Variants in KCNIP4 observed in about 807,000 individuals in gnomAD.
The protein encoded by KCNIP4 is potassium voltage-gated channel interacting protein 4, also known as Kv channel-interacting protein 4.
KCNIP4 carries 12 observed loss-of-function variants against 34.0 expected under a neutral mutation model. The ratio of observed to expected loss-of-function variants is 0.35; its 90% CI spans 0.23 to 0.57. The LOEUF (loss-of-function observed/expected upper bound fraction) is 0.57. KCNIP4 is among the 20% of genes least tolerant of loss of function. The pLI is 0.83. For missense variants in KCNIP4, 238 were observed against 311.7 expected (o/e 0.76, Z 1.78); for synonymous variants, 124 against 102.2 (o/e 1.21, Z -1.29).
intron 1 of KCNIP4, among the ~76,000 whole-genome samples, chr4:21,631,224 T>G (rs892163691): frequency 2.6e-5 from 4 of 152,122 alleles, no homozygotes; most frequent in African/African-American, 9.7e-5. Context: ...CTATAAAACA[T>G]GCTTCATAAT....
In KCNIP4 at chr4:21,136,213, C is replaced by T. The variant is rs139795646; in HGVS notation, c.62-253504G>A. Among the ~76,000 whole-genome samples the T allele has an allele frequency of 2.9e-3, 436 of 152,224 alleles. 1 individual carries two copies. The highest frequency in any genetic ancestry group is 6.8e-3 in the Middle Eastern group (2 of 294). ...TGTCTCTATGTTTTAATTTTATTTA[C>T]CACTGTTCAGTGGCCTATGGTACAA... On this transcript the variant is annotated intron_variant, in intron 1 of 8. Transcript: ENST00000382152.
At chr4:21,179,848 C>A (rs769907135) in intron 1 of KCNIP4, among the ~76,000 whole-genome samples, 9 of 152,102 alleles carry the variant, frequency 5.9e-5, no homozygotes, top group Non-Finnish European at 1.2e-4. Context: ...TTATTTCTTT[C>A]TCTTAGCTAT....
chr4:20,891,377 C>T (rs765295369), intron 1 of KCNIP4, among the ~76,000 whole-genome samples: 10 of 152,128 alleles, frequency 6.6e-5, no homozygotes, highest in South Asian at 2.1e-4. Flanking sequence ...GAGTCCGAGG[C>T]GGGCTGATCA....
intron 1 of KCNIP4, among the ~76,000 whole-genome samples, chr4:21,074,913 A>G (rs1745334240): frequency 6.6e-6 from 1 of 152,160 alleles, no homozygotes; most frequent in South Asian, 2.1e-4. Flanking sequence ...GTCATTCAGG[A>G]GCAGGTTGTT....
intron 1 of KCNIP4, among the ~76,000 whole-genome samples, chr4:21,387,716 C>A (rs912291874): frequency 3.9e-5 from 6 of 152,134 alleles, no homozygotes; most frequent in Non-Finnish European, 8.8e-5. Flanking sequence ...GTTAAAATGG[C>A]AGGGTTCCCA....
chr4:21,535,869 T>C, intron 1 of KCNIP4, among the ~76,000 whole-genome samples: 1 of 152,156 alleles, frequency 6.6e-6, no homozygotes, highest in African/African-American at 2.4e-5. Context: ...AAAGGGCTTT[T>C]AAAATGTCAA....
chr4:20,954,570 G>T (rs939599153), intron 1 of KCNIP4, among the ~76,000 whole-genome samples: 1 of 152,068 alleles, frequency 6.6e-6, no homozygotes, highest in Non-Finnish European at 1.5e-5. Flanking sequence ...AACAACAAGA[G>T]TGCCACAAGA....
intron 1 of KCNIP4, among the ~76,000 whole-genome samples, chr4:21,429,158 TG>T (rs1560396871): frequency 6.6e-6 from 1 of 152,214 alleles, no homozygotes; most frequent in Non-Finnish European, 1.5e-5. Context: ...TACTCTTCCC[TG>T]GCAACCAATG....
chr4:21,204,955 A>T (rs1437635847), intron 1 of KCNIP4, among the ~76,000 whole-genome samples: 1 of 152,208 alleles, frequency 6.6e-6, no homozygotes, highest in Admixed American at 6.5e-5. Context: ...AATAAGTGGG[A>T]CTTTCAAAAT....
chr4:21,190,410 G>A (rs1755541156), intron 1 of KCNIP4, among the ~76,000 whole-genome samples: 1 of 151,620 alleles, frequency 6.6e-6, no homozygotes, highest in Non-Finnish European at 1.5e-5. Context: ...TTCAAGTATG[G>A]AGGAGAGCAC....
chr4:21,767,158 T>C (rs192722344), intron 1 of KCNIP4, among the ~76,000 whole-genome samples: 4 of 152,164 alleles, frequency 2.6e-5, no homozygotes, highest in South Asian at 4.2e-4. Context: ...ATTTGCTTTA[T>C]GAAAGAATGA....
chr4:21,083,698 T>G (rs1746192115), intron 1 of KCNIP4, among the ~76,000 whole-genome samples: 1 of 151,896 alleles, frequency 6.6e-6, no homozygotes, highest in Admixed American at 6.6e-5. Flanking sequence ...GTGACCCTAT[T>G]GGCACCTTTA....
chr4:21,557,684 C>A (rs796883228), intron 1 of KCNIP4, among the ~76,000 whole-genome samples: 4 of 152,216 alleles, frequency 2.6e-5, no homozygotes, highest in African/African-American at 9.6e-5. Flanking sequence ...CCTGGTCCTT[C>A]CATGAAGGTG....
At chr4:20,754,590 C>T (rs1242269573) in intron 4 of KCNIP4, among the ~76,000 whole-genome samples, 1 of 152,264 alleles carries the variant, frequency 6.6e-6, no homozygotes, top group South Asian at 2.1e-4. Context: ...AATCATAATT[C>T]TTTAAAATAT....
chr4:21,852,413 T>G (rs1265862779), intron 1 of KCNIP4: 1 of 152,198 alleles, frequency 6.6e-6, no homozygotes, highest in Non-Finnish European at 1.5e-5. Flanking sequence ...CTGGAAGAAC[T>G]GAGAATGTTT....
At chr4:21,705,398 T>G (rs534941739) in intron 1 of KCNIP4, among the ~76,000 whole-genome samples, 5 of 152,286 alleles carry the variant, frequency 3.3e-5, no homozygotes, top group African/African-American at 1.2e-4. Context: ...CTCTGTATTA[T>G]TTGCTTATAA....
At chr4:21,238,446 G>A (rs962822658) in intron 1 of KCNIP4, among the ~76,000 whole-genome samples, 1 of 152,158 alleles carries the variant, frequency 6.6e-6, no homozygotes, top group African/African-American at 2.4e-5. Flanking sequence ...AATTGTCCCT[G>A]TTTGCAGATG....
intron 1 of KCNIP4, among the ~76,000 whole-genome samples, chr4:21,126,616 G>GAAAAAAA (rs777074124): frequency 2.5e-5 from 1 of 40,576 alleles, no homozygotes; most frequent in African/African-American, 1.6e-4. Flanking sequence ...AAGAGAAATA[G>GAAAAAAA]CAAAAAAAAA....
At chr4:21,103,335 A>T (rs1346258004) in intron 1 of KCNIP4, among the ~76,000 whole-genome samples, 2 of 146,516 alleles carry the variant, frequency 1.4e-5, no homozygotes, top group African/African-American at 2.5e-5. Flanking sequence ...AATATATATA[A>T]TATATAATAT....
Sources: allele counts gnomAD v4.1 joint callset (sites outside exome capture counted in the v4.1 genomes callset), GRCh38; gene constraint gnomAD v4.1.1; transcripts MANE v1.5; gene names NCBI Gene and HGNC (gene_info 2026-07-23, HGNC 2026-07-21).